Variants in ZSWIM5 observed in about 807,000 individuals in gnomAD.
ZSWIM5 encodes zinc finger SWIM-type containing 5.
A neutral mutation model predicts 119.6 loss-of-function variants in ZSWIM5; 55 were observed. The ratio of observed to expected loss-of-function variants is 0.46; its 90% CI spans 0.37 to 0.58. The LOEUF (loss-of-function observed/expected upper bound fraction) is 0.58. Among genes scored for constraint, ZSWIM5 ranks in the 20% least tolerant of loss-of-function variants. The probability of loss-of-function intolerance (pLI) is 0.00; values close to 1 mark genes in which losing one functional copy is unlikely to be tolerated. For missense variants in ZSWIM5, 1,193 were observed against 1,512.8 expected, an observed-to-expected ratio of 0.79 and a Z score of 3.51; for synonymous variants, 537 against 606.9, an observed-to-expected ratio of 0.88 and a Z score of 1.69.
At chr1:45,114,618 C>T (rs1230678865) in intron 1 of ZSWIM5, among the ~76,000 whole-genome samples, 1 of 151,036 alleles carries the variant, frequency 6.6e-6, no homozygotes, top group African/African-American at 2.4e-5. Context: ...TCAAGTCTTG[C>T]ACACAGCATG....
intron 5 of ZSWIM5, among the ~76,000 whole-genome samples, chr1:45,047,831 A>G (rs1645064568): frequency 6.6e-6 from 1 of 152,176 alleles, no homozygotes. Flanking sequence ...CTTTATTTTT[A>G]GTAAACAGGA....
chr1:45,119,441 G>A (rs7521226), intron 1 of ZSWIM5, among the ~76,000 whole-genome samples: 7 of 152,218 alleles, frequency 4.6e-5, no homozygotes, highest in Non-Finnish European at 8.8e-5. Flanking sequence ...TCTTTTCTGA[G>A]CATTAAAATT....
intron 1 of ZSWIM5, among the ~76,000 whole-genome samples, chr1:45,203,787 C>T (rs1327126485): frequency 6.6e-6 from 1 of 152,072 alleles, no homozygotes; most frequent in Non-Finnish European, 1.5e-5. Context: ...CTCTCCTATA[C>T]TTATTAACCT....
At chr1:45,195,548 T>A (rs1218606356) in intron 1 of ZSWIM5, among the ~76,000 whole-genome samples, 1 of 152,116 alleles carries the variant, frequency 6.6e-6, no homozygotes, top group East Asian at 1.9e-4. Flanking sequence ...AAAAATAGGT[T>A]TTATAAATAA....
intron 1 of ZSWIM5, among the ~76,000 whole-genome samples, chr1:45,193,577 T>C (rs923699752): frequency 3.3e-5 from 5 of 152,100 alleles, no homozygotes; most frequent in Non-Finnish European, 7.4e-5. Flanking sequence ...AGATACTGTG[T>C]TTGGCAATCA....
intron 4 of ZSWIM5, among the ~76,000 whole-genome samples, chr1:45,053,453 G>C (rs1361029790): frequency 6.6e-6 from 1 of 152,042 alleles, no homozygotes; most frequent in African/African-American, 2.4e-5. Context: ...AATTTCCTAG[G>C]CATTTTGATA....
At chr1:45,060,655 A>G (rs1645147486) in intron 2 of ZSWIM5, among the ~76,000 whole-genome samples, 1 of 152,310 alleles carries the variant, frequency 6.6e-6, no homozygotes, top group East Asian at 1.9e-4. Flanking sequence ...ATAAAAATAC[A>G]TTCTTTGAAC....
rs1484554762 is a variant in ZSWIM5 at position 45,036,087 on chromosome 1, C to T, written c.2107G>A (p.Asp703Asn). 3 of 1,614,152 alleles carry T rather than the reference C, an allele frequency of 1.9e-6. No individual in the cohort carries two copies. Among genetic ancestry groups the T allele is most frequent in the Admixed American group, 3.3e-5 (2 of 60,024 alleles). The stretch of plus-strand genomic sequence containing the variant: ...TTTTGCAGTGTTTGCACTAGCTCAT[C>T]GTCCAGCTGCAGCTCTTGGAGTTGG... Reference protein sequence around the residue: ...LSQLQELQLDDELVQTLQKQC... With the variant: ...LSQLQELQLDNELVQTLQKQC... The change falls in exon 9 of 14, where the codon GAT (aspartate) becomes AAT (asparagine). Residue 703 changes from aspartate (D) to asparagine (N), a missense_variant. By Grantham distance (23) the Asp-to-Asn change is conservative. This residue lies in a region of ZSWIM5 where 961 missense variants were observed against 1,290.0 expected (regional missense o/e 0.74). Transcript: ENST00000359600.
chr1:45,194,078 A>AT (rs1211097893), intron 1 of ZSWIM5, among the ~76,000 whole-genome samples: 1 of 152,090 alleles, frequency 6.6e-6, no homozygotes, highest in African/African-American at 2.4e-5. Context: ...GTGGGGAAGG[A>AT]TTTTATATTA....
At position 45,016,777 on chromosome 1, in the gene ZSWIM5, T is replaced by TGAC. The variant is rs1644856542; in HGVS notation, c.*1674_*1676dup. ...TAAACACCAAGACACTGGTTCCAAC[T>TGAC]GACTTTTCTGAGTGCCCTTGCTACC... On this transcript the variant is annotated 3_prime_UTR_variant, in exon 14 of 14. Coordinates refer to ENST00000359600, the MANE Select transcript of ZSWIM5 (RefSeq NM_020883.2). The TGAC allele has an allele frequency of 2.0e-5, 3 of 152,214 alleles. No individual in the cohort carries two copies. Among genetic ancestry groups the TGAC allele is most frequent in the African/African-American group, 7.2e-5 (3 of 41,442 alleles). 9.4% of individuals were successfully genotyped at this position (152,214 alleles called of 1,614,324 possible). A position where few individuals can be genotyped will look rare whatever the true frequency, so the allele number is the denominator to read the frequency against.
At chr1:45,022,134 A>ATT (rs1163868262) in intron 11 of ZSWIM5, among the ~76,000 whole-genome samples, 9 of 149,008 alleles carry the variant, frequency 6.0e-5, no homozygotes, top group Admixed American at 2.0e-4. Flanking sequence ...ATTTTATTTT[A>ATT]TTTTATTTTT....
At position 45,017,609 on chromosome 1, in the gene ZSWIM5, C is replaced by T. The variant is rs1271114839; in HGVS notation, c.*845G>A. The stretch of plus-strand genomic sequence containing the variant: ...ACACACACAATTATAGATGAAACCA[C>T]ACACTTGCTAACACAAAGGTGACCA... On this transcript the variant is annotated 3_prime_UTR_variant, in exon 14 of 14. Transcript: ENST00000359600. 6.6e-6 allele frequency: 1 copy of T among 152,264 alleles called. No individual in the cohort carries two copies. The highest frequency in any genetic ancestry group is 1.5e-5 in the Non-Finnish European group (1 of 68,062). 9.4% of individuals were successfully genotyped at this position (152,264 alleles called of 1,614,324 possible). A position where few individuals can be genotyped will look rare whatever the true frequency, so the allele number is the denominator to read the frequency against.
chr1:45,086,896 T>C (rs1645333413), intron 2 of ZSWIM5, among the ~76,000 whole-genome samples: 1 of 150,102 alleles, frequency 6.7e-6, no homozygotes, highest in Admixed American at 6.6e-5. Flanking sequence ...TTTTTTTTTT[T>C]TTTTTGAGAT....
At chr1:45,202,167 A>G (rs1473903145) in intron 1 of ZSWIM5, among the ~76,000 whole-genome samples, 1 of 152,112 alleles carries the variant, frequency 6.6e-6, no homozygotes, top group Non-Finnish European at 1.5e-5. Flanking sequence ...TCCACATGAA[A>G]TTTTATTATA....
At chr1:45,155,767 C>T (rs1204516837) in intron 1 of ZSWIM5, among the ~76,000 whole-genome samples, 4 of 152,150 alleles carry the variant, frequency 2.6e-5, no homozygotes, top group South Asian at 2.1e-4. Flanking sequence ...GTATTCTAAC[C>T]GAATTAACTC....
At chr1:45,065,736 T>C (rs2149002534) in intron 2 of ZSWIM5, among the ~76,000 whole-genome samples, 1 of 152,202 alleles carries the variant, frequency 6.6e-6, no homozygotes, top group Non-Finnish European at 1.5e-5. Context: ...GGAAGTGAGT[T>C]AATATTTGGG....
intron 11 of ZSWIM5, among the ~76,000 whole-genome samples, chr1:45,022,029 A>AT (rs1644890722): frequency 6.6e-6 from 1 of 151,612 alleles, no homozygotes; most frequent in South Asian, 2.1e-4. Flanking sequence ...CTCAAAAAAA[A>AT]AAAAATAAAT....
chr1:45,050,921 C>T (rs979430790), intron 5 of ZSWIM5, among the ~76,000 whole-genome samples, 153 bp downstream of exon 5: 2 of 152,158 alleles, frequency 1.3e-5, no homozygotes, highest in African/African-American at 2.4e-5. Context: ...ACTTAAGGTT[C>T]GGCATTTCAA....
intron 1 of ZSWIM5, among the ~76,000 whole-genome samples, chr1:45,195,723 C>T (rs1646118029): frequency 6.6e-6 from 1 of 151,904 alleles, no homozygotes; most frequent in African/African-American, 2.4e-5. Context: ...TCCTTCACAT[C>T]CATTAATAAA....
Sources: allele counts gnomAD v4.1 joint callset (sites outside exome capture counted in the v4.1 genomes callset), GRCh38; gene constraint gnomAD v4.1.1; regional missense constraint gnomAD v4.1.1; transcripts MANE v1.5; gene names NCBI Gene and HGNC (gene_info 2026-07-23, HGNC 2026-07-21).